NDUFAF6: variants seen among roughly 807,000 people sequenced by gnomAD.
NDUFAF6 encodes NADH:ubiquinone oxidoreductase complex assembly factor 6, also known as NADH dehydrogenase (ubiquinone) complex I, assembly factor 6.
Under a neutral mutation model 40.8 loss-of-function variants are expected in NDUFAF6, and 45 were observed. The ratio of observed to expected loss-of-function variants is 1.10; its 90% CI spans 0.87 to 1.42. The LOEUF is 1.42. Among genes scored for constraint, NDUFAF6 ranks in the 40% most tolerant of loss-of-function variants. The probability of loss-of-function intolerance (pLI) is 0.00; values close to 1 mark genes in which losing one functional copy is unlikely to be tolerated. For missense variants in NDUFAF6, 435 were observed against 418.5 expected, an observed-to-expected ratio of 1.04 and a Z score of -0.34; for synonymous variants, 185 against 155.9, an observed-to-expected ratio of 1.19 and a Z score of -1.39.
Position 95,057,935 on chromosome 8 carries a change from TA to T in NDUFAF6, c.*2del. ...TATTCAGTCATGGAGAAAAACATAT[TA>T]AAATAATTTCATGGCATTGATGTTA... is the stretch of plus-strand genomic sequence containing the variant. ...LYIQSWRKTY[*>X] On this transcript the variant is annotated frameshift_variant and stop_lost, in exon 9 of 9. Coordinates refer to ENST00000396124, the MANE Select transcript of NDUFAF6 (RefSeq NM_152416.4). LOFTEE classifies it high-confidence loss of function. 1.3e-6 allele frequency: 2 copies of T among 1,531,770 alleles called. No individual in the cohort carries two copies. The highest frequency in any genetic ancestry group is 1.7e-4 in the Middle Eastern group (1 of 5,890). 94.9% of individuals were successfully genotyped at this position (1,531,770 alleles called of 1,614,324 possible). A position where few individuals can be genotyped will look rare whatever the true frequency, so the allele number is the denominator to read the frequency against.
At position 95,025,035 on chromosome 8, in the gene NDUFAF6, CTG is replaced by C; in HGVS notation, c.28_29del (p.Trp10GlyfsTer48). On this transcript the variant is annotated frameshift_variant, in exon 1 of 9. Transcript: ENST00000396124. LOFTEE classifies it high-confidence loss of function. MAASAHGSV[W>X]GPLRLGIPGL... ...TGGCGGCCTCCGCGCACGGCTCTGT[CTG>C]GGGGCCGTTGCGGCTTGGCATCCCC... The C allele has an allele frequency of 7.1e-7, 1 of 1,412,196 alleles. No individual in the cohort carries two copies. Among genetic ancestry groups the C allele is most frequent in the Non-Finnish European group, 9.1e-7 (1 of 1,095,420 alleles). 87.5% of individuals were successfully genotyped at this position (1,412,196 alleles called of 1,614,324 possible).
intron 1 of NDUFAF6, chr8:94,931,975 AAAAG>A (rs1031193684): frequency 5.1e-5 from 67 of 1,315,834 alleles, no homozygotes; most frequent in East Asian, 3.0e-4. Context: ...CCATCTCAAA[AAAAG>A]AAAGAAAGTC....
Position 95,025,028 on chromosome 8 carries a change from G to T in NDUFAF6, c.20G>T (p.Gly7Val), listed in dbSNP as rs559043276. 1.0e-4 allele frequency: 138 copies of T among 1,377,774 alleles called. 1 individual carries two copies. In the African/African-American group the frequency reaches 1.8e-3, roughly 18 times the overall value. The allele number at this position is 1,377,774 out of a possible 1,614,324, so 85.3% of individuals were successfully genotyped here. ...GGCGTCATGGCGGCCTCCGCGCACGGCTCTGTCTGGGGGCCGTTGCGGCTT... is the reference window on the plus strand; with the variant it reads ...GGCGTCATGGCGGCCTCCGCGCACGTCTCTGTCTGGGGGCCGTTGCGGCTT... MAASAHGSVWGPLRLGI... is the reference protein window; with the variant it reads MAASAHVSVWGPLRLGI... The change falls in exon 1 of 9, where the codon GGC (glycine) becomes GTC (valine). Residue 7 changes from glycine to valine, a missense_variant. Transcript: ENST00000396124.
At chr8:95,053,184 T>C (rs1290075756) in intron 8 of NDUFAF6, among the ~76,000 whole-genome samples, 2 of 152,238 alleles carry the variant, frequency 1.3e-5, no homozygotes, top group Non-Finnish European at 2.9e-5. Context: ...AATTGAGCTT[T>C]TGCTAATTAT....
At chr8:95,097,093 G>A (rs548823301), upstream of NDUFAF6, among the ~76,000 whole-genome samples, 4 of 152,328 alleles carry the variant, frequency 2.6e-5, no homozygotes, top group South Asian at 8.3e-4. Context: ...AGACTCATTT[G>A]TACGTTTTCA....
At chr8:94,936,293 A>G (rs949169658) in intron 1 of NDUFAF6, among the ~76,000 whole-genome samples, 1 of 152,202 alleles carries the variant, frequency 6.6e-6, no homozygotes, top group Non-Finnish European at 1.5e-5. Flanking sequence ...GAAATGGTTT[A>G]TACAGGATCA....
chr8:94,932,676 G>T (rs947942448), intron 1 of NDUFAF6, among the ~76,000 whole-genome samples: 2 of 152,102 alleles, frequency 1.3e-5, no homozygotes, highest in African/African-American at 4.8e-5. Context: ...GGTGGCGGGC[G>T]CCTGTAGTCC....
At chr8:94,943,273 G>A (rs1225219651) in intron 1 of NDUFAF6, among the ~76,000 whole-genome samples, 1 of 152,164 alleles carries the variant, frequency 6.6e-6, no homozygotes, top group South Asian at 2.1e-4. Context: ...AGGAATGCTT[G>A]AGCCTAGGAG....
intron 2 of NDUFAF6, among the ~76,000 whole-genome samples, chr8:95,102,700 G>T (rs1437042790): frequency 6.6e-6 from 1 of 152,172 alleles, no homozygotes; most frequent in East Asian, 1.9e-4. Flanking sequence ...AAGGAGCCAG[G>T]TGCTAGAGGA....
At chr8:95,025,540 A>T (rs201554384) in intron 1 of NDUFAF6, among the ~76,000 whole-genome samples, 9 of 152,228 alleles carry the variant, frequency 5.9e-5, no homozygotes, top group Admixed American at 4.6e-4. Context: ...ACGGTAGCCA[A>T]CTTTGAGTTC....
At chr8:95,066,336 C>A (rs1369244448) in intron 9 of NDUFAF6, among the ~76,000 whole-genome samples, 1 of 134,332 alleles carries the variant, frequency 7.4e-6, no homozygotes, top group Non-Finnish European at 1.5e-5. Context: ...ACTATGTTGC[C>A]TGGGCTGGGC....
chr8:95,061,489 TGG>T (rs1414672270), downstream of NDUFAF6, among the ~76,000 whole-genome samples: 2 of 152,128 alleles, frequency 1.3e-5, no homozygotes, highest in East Asian at 3.9e-4. Flanking sequence ...GTGTTGGAAA[TGG>T]GTCAGAAGGA....
At chr8:94,924,180 C>T (rs1819701308) in intron 1 of NDUFAF6, among the ~76,000 whole-genome samples, 1 of 152,092 alleles carries the variant, frequency 6.6e-6, no homozygotes, top group South Asian at 2.1e-4. Flanking sequence ...CCTGCCTCAG[C>T]CTCCTGAGTA....
chr8:95,083,189 T>G (rs1363131352), intron 2 of NDUFAF6, among the ~76,000 whole-genome samples: 1 of 152,210 alleles, frequency 6.6e-6, no homozygotes, highest in Non-Finnish European at 1.5e-5. Context: ...ATGCTAAAAT[T>G]TTTTTGATCC....
At chr8:94,982,116 C>G (rs908190610) in intron 2 of NDUFAF6, among the ~76,000 whole-genome samples, 3 of 151,860 alleles carry the variant, frequency 2.0e-5, no homozygotes, top group Admixed American at 6.6e-5. Context: ...CCTGTAGTCC[C>G]AGCTACTAGG....
chr8:95,089,687 C>A (rs1451711), intron 2 of NDUFAF6, among the ~76,000 whole-genome samples: 2 of 151,808 alleles, frequency 1.3e-5, no homozygotes, highest in African/African-American at 4.8e-5. Context: ...AATGGGTACC[C>A]CTCTTCCAAA....
At chr8:95,012,543 C>T (rs1827267378) in intron 2 of NDUFAF6, among the ~76,000 whole-genome samples, 1 of 152,132 alleles carries the variant, frequency 6.6e-6, no homozygotes, top group Admixed American at 6.5e-5. Context: ...GTTACAGTGG[C>T]TCATGCCTGT....
At chr8:95,032,217 A>C (rs547989372) in intron 2 of NDUFAF6, 123 bp downstream of exon 2, 37 of 833,342 alleles carry the variant, frequency 4.4e-5, no homozygotes, top group Non-Finnish European at 7.1e-5. Context: ...TCTGCTAGTG[A>C]TTTCTTTTCC....
In NDUFAF6 at chr8:95,046,036, A is replaced by ATTTTATTTTATTTTTT. The variant is rs564535151; in HGVS notation, c.580+403_580+404insTTTTTTATTTTATTTT. 7.0e-3 allele frequency among the ~76,000 whole-genome samples: 1,053 copies of ATTTTATTTTATTTTTT among 150,856 alleles called. 13 individuals carry two copies. Among genetic ancestry groups the ATTTTATTTTATTTTTT allele is most frequent in the African/African-American group, 0.023 (943 of 41,224 alleles). Reference sequence around the variant, plus strand: ...AAAGTAGAAGAAGTAAAACACATTTATTTTATTTTATTTTATTTTATTTTA... The same window carrying ATTTTATTTTATTTTTT: ...AAAGTAGAAGAAGTAAAACACATTTATTTTATTTTATTTTTTTTTTATTTTATTTTATTTTATTTTA... On this transcript the variant is annotated intron_variant, in intron 5 of 8. Transcript: ENST00000396124.
Sources: allele counts gnomAD v4.1 joint callset (sites outside exome capture counted in the v4.1 genomes callset), GRCh38; gene constraint gnomAD v4.1.1; transcripts MANE v1.5; gene names NCBI Gene and HGNC (gene_info 2026-07-23, HGNC 2026-07-21).